The following MARS1 variants were observed in gnomAD, a reference collection of about 807,000 sequenced individuals.
MARS1 encodes methionyl-tRNA synthetase 1.
Under a neutral mutation model 119.5 loss-of-function variants are expected in MARS1, and 80 were observed. That is an observed-to-expected ratio of 0.67 (90% CI 0.56 to 0.81). MARS1 has a LOEUF of 0.81. Ranked by LOEUF, MARS1 falls within the 30% of genes least tolerant of loss-of-function variation. The pLI, the probability that MARS1 is intolerant of heterozygous loss-of-function variation, is 0.00. For synonymous variants in MARS1, 418 were observed against 433.4 expected (o/e 0.96, Z 0.44); for missense variants, 945 against 1,116.5 (o/e 0.85, Z 2.19).
At chr12:57,493,789 T>TTATAA (rs1876352676) in intron 7 of MARS1, among the ~76,000 whole-genome samples, 1 of 1,964 alleles carries the variant, frequency 5.1e-4, no homozygotes, top group African/African-American at 1.8e-3. Flanking sequence ...ATATTATATA[T>TTATAA]TATATATTAT....
In MARS1 at chr12:57,515,999, A is replaced by G. The variant is rs774580976; in HGVS notation, c.2463+8A>G. 1.1e-5 allele frequency: 18 copies of G among 1,614,004 alleles called. No individual in the cohort carries two copies. The South Asian group carries it at 1.4e-4, about 13-fold the overall frequency. ...CGCTTTGGAGGGGGCCAGGTGAGAA[A>G]GCTAAAGGCTGTGCCCTCGCTCCAC... is the stretch of plus-strand genomic sequence containing the variant. On this transcript the variant is annotated splice_region_variant and intron_variant, in intron 19 of 20. Coordinates refer to ENST00000262027, the MANE Select transcript of MARS1 (RefSeq NM_004990.4).
chr12:57,516,534 G>A lies in MARS1; in HGVS notation c.2656G>A (p.Ala886Thr). ...GGATCTAAAGAAACAGTTGGCTGTAGCTGAGGGGAAACCCCCTGAAGCCCC... is the reference window on the plus strand; with the variant it reads ...GGATCTAAAGAAACAGTTGGCTGTAACTGAGGGGAAACCCCCTGAAGCCCC... ...LLDLKKQLAVAEGKPPEAPKG... is the reference protein window; with the variant it reads ...LLDLKKQLAVTEGKPPEAPKG... The change falls in exon 21 of 21, where the codon GCT becomes ACT. Residue 886 changes from alanine (A) to threonine (T), a missense_variant. Transcript: ENST00000262027. 1.2e-6 allele frequency: 2 copies of A among 1,610,232 alleles called. No homozygotes were observed. The highest frequency in any genetic ancestry group is 2.2e-5 in the East Asian group (1 of 44,870).
At chr12:57,488,471 C>A in intron 1 of MARS1, 1 of 1,244,426 alleles carries the variant, frequency 8.0e-7, no homozygotes, top group South Asian at 1.3e-5. Context: ...CTGCTCTTCC[C>A]TTCCCAACCT....
intron 7 of MARS1, among the ~76,000 whole-genome samples, chr12:57,493,331 T>C (rs1157042373): frequency 2.0e-5 from 2 of 101,200 alleles, no homozygotes; most frequent in African/African-American, 8.3e-5. Flanking sequence ...ATATTATATA[T>C]AATATATGTT....
intron 7 of MARS1, 85 bp from the exon 8 acceptor site, chr12:57,498,072 C>T (rs1565643654): frequency 1.2e-6 from 1 of 833,176 alleles, no homozygotes; most frequent in South Asian, 1.5e-5. Flanking sequence ...TAGAACAAAT[C>T]TGTGTCCGGG....
At chr12:57,498,341 A>G (rs1185526968) in intron 8 of MARS1, 68 bp downstream of exon 8, 3 of 1,595,814 alleles carry the variant, frequency 1.9e-6, no homozygotes, top group Non-Finnish European at 2.6e-6. Flanking sequence ...AGGATGCTTC[A>G]AGGGTGGGGC....
intron 15 of MARS1, 114 bp from the exon 16 acceptor site, chr12:57,514,606 G>GGCA (rs1243566315): frequency 1.4e-5 from 19 of 1,347,130 alleles, no homozygotes; most frequent in Non-Finnish European, 1.9e-5. Flanking sequence ...ACCTGTTCCA[G>GGCA]GCAGGAATCC....
chr12:57,514,711 C>G lies in MARS1; in HGVS notation c.1968-9C>G. The G allele has an allele frequency of 1.9e-6, 3 of 1,614,028 alleles. No individual in the cohort carries two copies. The highest frequency in any genetic ancestry group is 2.5e-6 in the Non-Finnish European group (3 of 1,180,016). Reference sequence around the variant, plus strand: ...TTTTTCCACTTCTGCTTTCCTACTCCCAACCAAGAGCTGGGATGTTTGTGT... The same window carrying G: ...TTTTTCCACTTCTGCTTTCCTACTCGCAACCAAGAGCTGGGATGTTTGTGT... On this transcript the variant is annotated splice_polypyrimidine_tract_variant and intron_variant, in intron 15 of 20. Coordinates refer to ENST00000262027, the MANE Select transcript of MARS1 (RefSeq NM_004990.4).
At chr12:57,510,632 C>CT (rs1877465752) in intron 11 of MARS1, among the ~76,000 whole-genome samples, 1 of 147,312 alleles carries the variant, frequency 6.8e-6, no homozygotes, top group Non-Finnish European at 1.5e-5. Context: ...TTTTTTTTTT[C>CT]TTTTTTGCAC....
intron 9 of MARS1, among the ~76,000 whole-genome samples, chr12:57,499,405 C>G (rs1417501677): frequency 6.9e-6 from 1 of 144,766 alleles, no homozygotes; most frequent in Non-Finnish European, 1.5e-5. Context: ...ACTATCCTGG[C>G]TAACCCAGTG....
In MARS1 at chr12:57,500,382, G is replaced by A; in HGVS notation, c.1153G>A (p.Glu385Lys). Residue 385 changes from glutamate to lysine, a missense_variant, in exon 10 of 21, where the codon GAG (glutamate) becomes AAG (lysine). Physicochemically the swap from Glu to Lys is moderately conservative, Grantham distance 56. Coordinates refer to ENST00000262027, the MANE Select transcript of MARS1 (RefSeq NM_004990.4). ...AGGTTTTGTGCTGCAAGATACTGTGGAGCAACTGCGATGTGAGCACTGTGC... is the reference window on the plus strand; with the variant it reads ...AGGTTTTGTGCTGCAAGATACTGTGAAGCAACTGCGATGTGAGCACTGTGC... ...KRGFVLQDTV[E>K]QLRCEHCARF... 6.2e-7 allele frequency: 1 copy of A among 1,614,234 alleles called. No individual in the cohort carries two copies.
At chr12:57,493,300 A>C (rs1338039721) in intron 7 of MARS1, among the ~76,000 whole-genome samples, 1 of 109,780 alleles carries the variant, frequency 9.1e-6, no homozygotes, top group Non-Finnish European at 1.7e-5. Context: ...GAGTATATAT[A>C]TATAATATAT....
At chr12:57,493,611 T>C (rs1339290285) in intron 7 of MARS1, among the ~76,000 whole-genome samples, 7 of 9,206 alleles carry the variant, frequency 7.6e-4, no homozygotes, top group African/African-American at 3.9e-3. Context: ...TAATATATAA[T>C]ATATTATAAT....
At chr12:57,496,100 A>G (rs1012394627) in intron 7 of MARS1, among the ~76,000 whole-genome samples, 13 of 151,440 alleles carry the variant, frequency 8.6e-5, no homozygotes, top group Non-Finnish European at 1.3e-4. Context: ...AACTGACCTC[A>G]TGATCCACTT....
chr12:57,495,965 G>C (rs1475812182), intron 7 of MARS1, among the ~76,000 whole-genome samples: 1 of 152,222 alleles, frequency 6.6e-6, no homozygotes, highest in South Asian at 2.1e-4. Context: ...GTCCGGCCTC[G>C]GCTCGGCATC....
intron 1 of MARS1, 121 bp downstream of exon 1, chr12:57,488,320 C>A (rs1875617674): frequency 1.1e-6 from 1 of 899,492 alleles, no homozygotes; most frequent in Non-Finnish European, 1.7e-6. Context: ...GACCACTTCT[C>A]CTATTATCCT....
In MARS1 at chr12:57,502,283, T is replaced by G. The variant is rs1948602497; in HGVS notation, c.1293+1761T>G. 2.0e-5 allele frequency among the ~76,000 whole-genome samples: 3 copies of G among 152,028 alleles called. No homozygotes were observed. In the South Asian group the frequency reaches 6.2e-4, roughly 32 times the overall value. On this transcript the variant is annotated intron_variant, in intron 10 of 20. Transcript: ENST00000262027. ...TGGGATGCAGCCATACTGTTTGGGT[T>G]TGTTAAGCTTGAGATGCCTGTTAGA...
chr12:57,500,647 C>T lies in MARS1; in HGVS notation c.1293+125C>T, dbSNP rs553167848. ...ACCTTTAACCAGTGGCCCTTTCTGC[C>T]CCATCTCAGCAACTCGTCATTTAGT... On this transcript the variant is annotated intron_variant, in intron 10 of 20. Coordinates refer to ENST00000262027, the MANE Select transcript of MARS1 (RefSeq NM_004990.4). 1.4e-5 allele frequency: 11 copies of T among 814,366 alleles called. No individual in the cohort carries two copies. The African/African-American group carries it at 1.5e-4, about 11-fold the overall frequency. The allele number at this position is 814,366 out of a possible 1,614,324, so 50.4% of individuals were successfully genotyped here.
intron 14 of MARS1, 95 bp from the exon 15 acceptor site, chr12:57,512,656 G>T: frequency 9.8e-7 from 1 of 1,022,706 alleles, no homozygotes; most frequent in African/African-American, 1.6e-5. Context: ...ACCCATAGTT[G>T]AGGTTAGAAA....
Sources: allele counts gnomAD v4.1 joint callset (sites outside exome capture counted in the v4.1 genomes callset), GRCh38; gene constraint gnomAD v4.1.1; transcripts MANE v1.5; gene names NCBI Gene and HGNC (gene_info 2026-07-23, HGNC 2026-07-21).